SV2B: variants seen among roughly 807,000 people sequenced by gnomAD.
SV2B encodes the protein solute carrier family 22 member B2.
Under a neutral mutation model 73.9 loss-of-function variants are expected in SV2B, and 41 were observed. The ratio of observed to expected loss-of-function variants is 0.56; its 90% CI spans 0.43 to 0.72. SV2B has a LOEUF of 0.72. Ranked by LOEUF, SV2B falls within the 30% of genes least tolerant of loss-of-function variation. The pLI is 0.00. For missense variants in SV2B, 764 were observed against 857.8 expected, an observed-to-expected ratio of 0.89 and a Z score of 1.37; for synonymous variants, 314 against 314.2, an observed-to-expected ratio of 1.00 and a Z score of 0.01.
In SV2B at chr15:91,296,527, T is replaced by TTCCTTCTGCCTGATCGTTGGGAGCACAC. The variant is rs1567034723; in HGVS notation, c.*3991_*4018dup. The TTCCTTCTGCCTGATCGTTGGGAGCACAC allele has an allele frequency of 2.6e-5, 3 of 117,440 alleles. No homozygotes were observed. Among genetic ancestry groups the TTCCTTCTGCCTGATCGTTGGGAGCACAC allele is most frequent in the African/African-American group, 1.0e-4 (3 of 29,502 alleles). The allele number at this position is 117,440 out of a possible 1,614,324, so 7.3% of individuals were successfully genotyped here. A position where few individuals can be genotyped will look rare whatever the true frequency, so the allele number is the denominator to read the frequency against. ...ACTCCTGCCTGATCATGGGCGCACGTTCCTTCTGCCTGATCGTTGGGAGCA... is the reference window on the plus strand; with the variant it reads ...ACTCCTGCCTGATCATGGGCGCACGTTCCTTCTGCCTGATCGTTGGGAGCACACTCCTTCTGCCTGATCGTTGGGAGCA... On this transcript the variant is annotated 3_prime_UTR_variant, in exon 13 of 13. Transcript: ENST00000394232.
chr15:91,248,344 C>T (rs2047337116), intron 2 of SV2B, among the ~76,000 whole-genome samples: 1 of 152,024 alleles, frequency 6.6e-6, no homozygotes, highest in Admixed American at 6.6e-5. Flanking sequence ...AAAAAAATGC[C>T]TTGTATGGCC....
intron 1 of SV2B, among the ~76,000 whole-genome samples, chr15:91,101,552 G>A (rs1358906563): frequency 6.6e-6 from 1 of 152,152 alleles, no homozygotes; most frequent in Non-Finnish European, 1.5e-5. Flanking sequence ...TCAGGAGGTG[G>A]ATAAGTTCAT....
chr15:91,120,242 A>G (rs891315996), intron 1 of SV2B, among the ~76,000 whole-genome samples: 4 of 152,222 alleles, frequency 2.6e-5, no homozygotes, highest in Non-Finnish European at 5.9e-5. Flanking sequence ...ACTTAAAATC[A>G]TGGCGGAAGG....
chr15:91,187,021 G>A (rs2044798070), intron 1 of SV2B, among the ~76,000 whole-genome samples: 1 of 152,136 alleles, frequency 6.6e-6, no homozygotes. Flanking sequence ...GTAAGGAGAC[G>A]ATTGAACATG....
At chr15:91,187,291 T>G (rs1422399066) in intron 1 of SV2B, among the ~76,000 whole-genome samples, 1 of 152,260 alleles carries the variant, frequency 6.6e-6, no homozygotes, top group African/African-American at 2.4e-5. Context: ...ATTTATTGCA[T>G]GAGTAAAATG....
chr15:91,182,708 A>G (rs969108520), intron 1 of SV2B, among the ~76,000 whole-genome samples: 1 of 152,228 alleles, frequency 6.6e-6, no homozygotes. Flanking sequence ...TTATGGCAGA[A>G]GTCAGCAGCA....
intron 1 of SV2B, among the ~76,000 whole-genome samples, chr15:91,104,832 A>T (rs1340693468): frequency 6.6e-6 from 1 of 152,138 alleles, no homozygotes; most frequent in Non-Finnish European, 1.5e-5. Flanking sequence ...GGGTTTCTCC[A>T]TGTTGGTCAG....
At chr15:91,155,575 G>A (rs2043459936) in intron 1 of SV2B, among the ~76,000 whole-genome samples, 1 of 152,190 alleles carries the variant, frequency 6.6e-6, no homozygotes, top group Non-Finnish European at 1.5e-5. Context: ...ATCAGGGCAT[G>A]TGGCCAGAGG....
At chr15:91,152,718 A>G (rs988883286) in intron 1 of SV2B, among the ~76,000 whole-genome samples, 2 of 152,206 alleles carry the variant, frequency 1.3e-5, no homozygotes, top group Admixed American at 1.3e-4. Context: ...TGAGGAAGAT[A>G]TTAGCAAAGG....
chr15:91,177,018 G>C (rs1567316537), intron 1 of SV2B, among the ~76,000 whole-genome samples: 4 of 151,508 alleles, frequency 2.6e-5, no homozygotes, highest in Non-Finnish European at 5.9e-5. Flanking sequence ...GGTTTTTATG[G>C]TTTTAGGTCT....
chr15:91,109,399 G>T (rs981125908), intron 1 of SV2B, among the ~76,000 whole-genome samples: 1 of 152,252 alleles, frequency 6.6e-6, no homozygotes, highest in African/African-American at 2.4e-5. Context: ...TGATATGTGT[G>T]TGGGCAGGAG....
chr15:91,249,187 C>T (rs112180115), intron 2 of SV2B, among the ~76,000 whole-genome samples: 16 of 152,252 alleles, frequency 1.1e-4, no homozygotes, highest in African/African-American at 3.9e-4. Flanking sequence ...GCTCTACTCA[C>T]GCTAGGCTAC....
chr15:91,151,423 A>G (rs2043310145), intron 1 of SV2B, among the ~76,000 whole-genome samples: 1 of 152,246 alleles, frequency 6.6e-6, no homozygotes, highest in East Asian at 1.9e-4. Flanking sequence ...ACAAAAGTTA[A>G]ATATAAACCA....
intron 1 of SV2B, among the ~76,000 whole-genome samples, chr15:91,190,479 G>T (rs6496769): frequency 0.45 from 68,231 of 151,950 alleles, 15,920 homozygotes; most frequent in East Asian, 0.71. Context: ...CCATTCAGCA[G>T]GATGTTTGCA....
Position 91,143,731 on chromosome 15 carries a change from C to T in SV2B, c.-392+43368C>T, listed in dbSNP as rs868356106. ...GAATAGATGATTCTGATGATTCAGA[C>T]GATTCTGATGTTTGTTCTGTTTAGA... is the stretch of plus-strand genomic sequence containing the variant. On this transcript the variant is annotated intron_variant, in intron 1 of 12. Coordinates refer to ENST00000394232, the MANE Select transcript of SV2B (RefSeq NM_001323032.3). 1.1e-4 allele frequency among the ~76,000 whole-genome samples: 17 copies of T among 152,260 alleles called. No individual in the cohort carries two copies. In the Middle Eastern group the frequency reaches 0.014, roughly 122 times the overall value.
At chr15:91,199,193 C>T (rs2045372036) in intron 1 of SV2B, among the ~76,000 whole-genome samples, 1 of 152,014 alleles carries the variant, frequency 6.6e-6, no homozygotes, top group South Asian at 2.1e-4. Flanking sequence ...ATCATGTAAA[C>T]TATAGAGAGT....
chr15:91,207,496 A>G (rs111759312), intron 1 of SV2B, among the ~76,000 whole-genome samples: 4,913 of 152,192 alleles, frequency 0.032, 215 homozygotes, highest in East Asian at 0.12. Context: ...CAAGGAAACA[A>G]TTTGTTCGCC....
chr15:91,195,964 A>G (rs990809147), intron 1 of SV2B, among the ~76,000 whole-genome samples: 4 of 152,258 alleles, frequency 2.6e-5, no homozygotes, highest in Non-Finnish European at 5.9e-5. Flanking sequence ...TACTGCAACT[A>G]GAACAAAATA....
At chr15:91,230,096 C>T (rs1258391647) in intron 2 of SV2B, among the ~76,000 whole-genome samples, 4 of 151,926 alleles carry the variant, frequency 2.6e-5, no homozygotes, top group African/African-American at 9.7e-5. Context: ...AAGAAATTAG[C>T]CAGATATGGT....
Sources: gnomAD v4.1 joint callset for allele counts (sites outside exome capture counted in the v4.1 genomes callset) on GRCh38, gnomAD v4.1.1 for gene constraint, MANE v1.5 for transcripts, NCBI Gene and HGNC (gene_info 2026-07-23, HGNC 2026-07-21) for gene names.